The following SLC25A13 variants were observed in gnomAD, a reference collection of about 807,000 sequenced individuals.
SLC25A13 encodes the protein solute carrier family 25 member 13, also known as electrogenic aspartate/glutamate antiporter SLC25A13, mitochondrial.
Under a neutral mutation model 85.5 loss-of-function variants are expected in SLC25A13, and 70 were observed. That is an observed-to-expected ratio of 0.82 (90% CI 0.68 to 1.00). The LOEUF is 1.00. SLC25A13 is among the 50% of genes least tolerant of loss of function. The probability of loss-of-function intolerance (pLI) is 0.00; values close to 1 mark genes in which losing one functional copy is unlikely to be tolerated. For missense variants in SLC25A13, 765 were observed against 819.8 expected (o/e 0.93, Z 0.82); for synonymous variants, 259 against 288.7 (o/e 0.90, Z 1.04).
chr7:96,195,384 A>G (rs1449814668), intron 5 of SLC25A13, among the ~76,000 whole-genome samples: 3 of 152,088 alleles, frequency 2.0e-5, no homozygotes, highest in South Asian at 4.1e-4. Flanking sequence ...GTTTGCCCAA[A>G]TGCACCTTTT....
At chr7:96,196,690 T>C (rs535211531) in intron 5 of SLC25A13, among the ~76,000 whole-genome samples, 1 of 152,198 alleles carries the variant, frequency 6.6e-6, no homozygotes, top group African/African-American at 2.4e-5. Flanking sequence ...ATTGGGGGCA[T>C]TATAAGTTCC....
At chr7:96,181,856 C>T (rs1255464179) in intron 11 of SLC25A13, among the ~76,000 whole-genome samples, 3 of 152,098 alleles carry the variant, frequency 2.0e-5, no homozygotes, top group East Asian at 3.9e-4. Flanking sequence ...CTAATTTAAA[C>T]GTAACAGTTT....
intron 5 of SLC25A13, among the ~76,000 whole-genome samples, chr7:96,195,774 C>T (rs1312794843): frequency 2.6e-5 from 4 of 152,194 alleles, no homozygotes; most frequent in African/African-American, 4.8e-5. Context: ...CTCCTGAAAT[C>T]CTGCCACTTC....
intron 3 of SLC25A13, among the ~76,000 whole-genome samples, chr7:96,238,455 A>T (rs189691042): frequency 0.012 from 1,724 of 148,546 alleles, 26 homozygotes; most frequent in African/African-American, 0.042. Flanking sequence ...GCCTGAGGAA[A>T]CTAATATAGA....
At chr7:96,136,892 G>C (rs1792309908) in intron 14 of SLC25A13, among the ~76,000 whole-genome samples, 2 of 152,310 alleles carry the variant, frequency 1.3e-5, no homozygotes, top group Non-Finnish European at 2.9e-5. Context: ...CAAGACAACA[G>C]TGGTGCACCT....
chr7:96,136,117 C>T (rs968625908), intron 14 of SLC25A13, among the ~76,000 whole-genome samples: 1 of 152,164 alleles, frequency 6.6e-6, no homozygotes, highest in Admixed American at 6.5e-5. Flanking sequence ...AAAAAACCCT[C>T]AGATCTAGTT....
chr7:96,288,166 C>T (rs985308295), intron 2 of SLC25A13, among the ~76,000 whole-genome samples: 1 of 152,150 alleles, frequency 6.6e-6, no homozygotes. Context: ...AATGGTGGCT[C>T]GTGCCTGTAA....
At chr7:96,273,988 C>T (rs1798346121) in intron 3 of SLC25A13, among the ~76,000 whole-genome samples, 2 of 152,178 alleles carry the variant, frequency 1.3e-5, no homozygotes, top group South Asian at 4.1e-4. Context: ...CCTGCTCATA[C>T]ATTACATTTT....
At position 96,284,857 on chromosome 7, in the gene SLC25A13, A is replaced by G. The variant is rs569490807; in HGVS notation, c.70-7519T>C. Among the ~76,000 whole-genome samples, 6 of 152,314 alleles carry G rather than the reference A, an allele frequency of 3.9e-5. No homozygotes were observed. The South Asian group carries it at 1.2e-3, about 32-fold the overall frequency. Reference sequence around the variant, plus strand: ...TGAGTCAATTAAACCTCTTTGCCTGATAAATTACCCAGTCTCAGGTATGCC... The same window carrying G: ...TGAGTCAATTAAACCTCTTTGCCTGGTAAATTACCCAGTCTCAGGTATGCC... On this transcript the variant is annotated intron_variant, in intron 2 of 17. Transcript: ENST00000265631.
intron 15 of SLC25A13, among the ~76,000 whole-genome samples, chr7:96,125,907 ATCTC>A (rs1432946321): frequency 1.3e-5 from 2 of 152,008 alleles, no homozygotes; most frequent in Non-Finnish European, 2.9e-5. Flanking sequence ...TTTCTTTCAA[ATCTC>A]TCTGAGGACT....
chr7:96,279,278 G>T (rs1798574765), intron 2 of SLC25A13, among the ~76,000 whole-genome samples: 1 of 152,160 alleles, frequency 6.6e-6, no homozygotes, highest in Non-Finnish European at 1.5e-5. Context: ...TGAGTGTATA[G>T]AATTTTTTTC....
chr7:96,303,849 C>T lies in SLC25A13; in HGVS notation c.16-6898G>A, dbSNP rs116457636. 9.4e-3 allele frequency among the ~76,000 whole-genome samples: 1,434 copies of T among 152,048 alleles called. 24 individuals carry two copies. Among genetic ancestry groups the T allele is most frequent in the African/African-American group, 0.033 (1,376 of 41,450 alleles). On this transcript the variant is annotated intron_variant, in intron 1 of 17. Coordinates refer to ENST00000265631, the MANE Select transcript of SLC25A13 (RefSeq NM_014251.3). ...GGCCTGCTCTGCTTGAGACTCTAGA[C>T]GTCATTCTTTAGAGCTCAACCTCAA...
chr7:96,185,939 C>T (rs1214534738), intron 9 of SLC25A13, among the ~76,000 whole-genome samples: 8 of 152,082 alleles, frequency 5.3e-5, no homozygotes, highest in East Asian at 3.9e-4. Context: ...CAAATAAAAA[C>T]ATCAATGAGA....
chr7:96,218,977 T>C (rs909484190), intron 4 of SLC25A13, among the ~76,000 whole-genome samples: 3 of 152,208 alleles, frequency 2.0e-5, no homozygotes, highest in Admixed American at 2.0e-4. Flanking sequence ...AGACAAATTG[T>C]TGAATTCGTA....
At chr7:96,217,459 A>C (rs61219475) in intron 4 of SLC25A13, among the ~76,000 whole-genome samples, 5,826 of 152,326 alleles carry the variant, frequency 0.038, 378 homozygotes, top group African/African-American at 0.13. Context: ...GTTATTCATA[A>C]TAGCCAAGCA....
intron 2 of SLC25A13, among the ~76,000 whole-genome samples, chr7:96,286,608 T>C (rs975408581): frequency 3.3e-5 from 5 of 152,222 alleles, no homozygotes; most frequent in African/African-American, 1.2e-4. Flanking sequence ...ATTAATCCTG[T>C]ACACTACTTA....
At chr7:96,271,775 A>G (rs951816893) in intron 3 of SLC25A13, among the ~76,000 whole-genome samples, 3 of 152,160 alleles carry the variant, frequency 2.0e-5, no homozygotes, top group African/African-American at 4.8e-5. Context: ...TTTGGATATT[A>G]TATGTTTAAA....
chr7:96,209,413 C>T (rs1287719052), intron 4 of SLC25A13, among the ~76,000 whole-genome samples: 3 of 149,604 alleles, frequency 2.0e-5, no homozygotes, highest in African/African-American at 7.4e-5. Context: ...TAGCCTTTAA[C>T]AAGTTATTTA....
intron 1 of SLC25A13, among the ~76,000 whole-genome samples, chr7:96,318,713 C>T (rs917939475): frequency 3.9e-5 from 6 of 152,134 alleles, no homozygotes; most frequent in Non-Finnish European, 8.8e-5. Flanking sequence ...AGTATAAAGA[C>T]CAAAGAAAGA....
Sources: gnomAD v4.1 joint callset for allele counts (sites outside exome capture counted in the v4.1 genomes callset) on GRCh38, gnomAD v4.1.1 for gene constraint, MANE v1.5 for transcripts, NCBI Gene and HGNC (gene_info 2026-07-23, HGNC 2026-07-21) for gene names.